Variants in SRF observed in about 807,000 individuals in gnomAD.
The protein encoded by SRF is serum response factor, also known as c-fos serum response element-binding transcription factor.
A neutral mutation model predicts 37.1 loss-of-function variants in SRF; 7 were observed. The ratio of observed to expected loss-of-function variants is 0.19; its 90% confidence interval spans 0.11 to 0.35. The LOEUF (loss-of-function observed/expected upper bound fraction) is 0.35. SRF is among the 10% of genes least tolerant of loss of function. The pLI is 1.00. For synonymous variants in SRF, 285 were observed against 310.1 expected, an observed-to-expected ratio of 0.92 and a Z score of 0.85; for missense variants, 395 against 694.4, an observed-to-expected ratio of 0.57 and a Z score of 4.85.
chr6:43,173,751 G>A lies in SRF; in HGVS notation c.514-96G>A, dbSNP rs187173611. The stretch of plus-strand genomic sequence containing the variant: ...GAGACGAAGGTCATTATGGGAATGG[G>A]GGAATGACATCACTGTATAATTCTT... On this transcript the variant is annotated intron_variant, in intron 1 of 6. Coordinates refer to ENST00000265354, the MANE Select transcript of SRF (RefSeq NM_003131.4). The surrounding 1 kb of genome is among the most constrained non-coding windows in gnomAD (Gnocchi z 4.2). 56 of 1,471,304 alleles carry A rather than the reference G, an allele frequency of 3.8e-5. No homozygotes were observed. In the East Asian group the frequency reaches 5.5e-4, roughly 14 times the overall value. 91.1% of individuals were successfully genotyped at this position (1,471,304 alleles called of 1,614,324 possible). A position where few individuals can be genotyped will look rare whatever the true frequency, so the allele number is the denominator to read the frequency against.
At position 43,172,420 on chromosome 6, in the gene SRF, A is replaced by G. The variant is rs544452108; in HGVS notation, c.513+251A>G. 4.2e-5 allele frequency: 41 copies of G among 985,384 alleles called. No homozygotes were observed. In the South Asian group the frequency reaches 1.2e-3, roughly 29 times the overall value. The allele number at this position is 985,384 out of a possible 1,614,324, so 61.0% of individuals were successfully genotyped here. A position where few individuals can be genotyped will look rare whatever the true frequency, so the allele number is the denominator to read the frequency against. ...CGCAGAGGTGGGAGTGACCGGCGCC[A>G]GAGAGGAAGAGGGCCCTTGCTGAGT... On this transcript the variant is annotated intron_variant, in intron 1 of 6. Coordinates refer to ENST00000265354, the MANE Select transcript of SRF (RefSeq NM_003131.4). This position sits in a 1 kb window ranked among gnomAD's most constrained non-coding sequence, Gnocchi z 5.7.
chr6:43,172,191 C>A lies in SRF; in HGVS notation c.513+22C>A, dbSNP rs368934437. 1,734 of 1,601,528 alleles carry A rather than the reference C, an allele frequency of 1.1e-3. 2 individuals are homozygous for A. The highest frequency in any genetic ancestry group is 1.3e-3 in the Non-Finnish European group (1,588 of 1,177,286). On this transcript the variant is annotated intron_variant, in intron 1 of 6. Coordinates refer to ENST00000265354, the MANE Select transcript of SRF (RefSeq NM_003131.4). The surrounding 1 kb of genome is among the most constrained non-coding windows in gnomAD (Gnocchi z 5.7). ...GAAGGTACCAAGCCGGGGGGCTGGC[C>A]GGCCCCGGGGCCCGGTTGGGGTGGG...
In SRF at chr6:43,176,880, G is replaced by A. The variant is rs4711741; in HGVS notation, c.1162+213G>A. ...GGGCTGCGGATTCCAGAAGAAAATT[G>A]GGGACCATTGACCTACCTCCTCATT... On this transcript the variant is annotated intron_variant, in intron 4 of 6. Coordinates refer to ENST00000265354, the MANE Select transcript of SRF (RefSeq NM_003131.4). The surrounding 1 kb of genome is among the most constrained non-coding windows in gnomAD (Gnocchi z 4.0). Among the ~76,000 whole-genome samples, 35,856 of 151,996 alleles carry A rather than the reference G, an allele frequency of 0.24. 5,712 individuals carry two copies. The highest frequency in any genetic ancestry group is 0.44 in the African/African-American group (18,274 of 41,408).
rs1396814662 is a variant in SRF, at chr6:43,172,758, G to A, written c.513+589G>A. 6.6e-6 allele frequency among the ~76,000 whole-genome samples: 1 copy of A among 152,146 alleles called. No homozygotes were observed. The highest frequency in any genetic ancestry group is 6.5e-5 in the Admixed American group (1 of 15,276). On this transcript the variant is annotated intron_variant, in intron 1 of 6. Coordinates refer to ENST00000265354, the MANE Select transcript of SRF (RefSeq NM_003131.4). The surrounding 1 kb of genome is among the most constrained non-coding windows in gnomAD (Gnocchi z 5.7). ...GCAGGAACCTAGTCCTGCGCCGGCC[G>A]TGAGTCTTCCATGGCATCCACTGGG...
chr6:43,180,024 A>AG lies in SRF; in HGVS notation c.*836dup, dbSNP rs1772280244. 1.3e-5 allele frequency: 2 copies of AG among 151,594 alleles called. No individual in the cohort carries two copies. Among genetic ancestry groups the AG allele is most frequent in the Non-Finnish European group, 2.9e-5 (2 of 67,900 alleles). The allele number at this position is 151,594 out of a possible 1,614,324, so 9.4% of individuals were successfully genotyped here. A position where few individuals can be genotyped will look rare whatever the true frequency, so the allele number is the denominator to read the frequency against. ...AACTCCCCTTCCCTGGGGAGCCCTC[A>AG]GGCTCCCCAGAACTGGCTGGGCCCC... On this transcript the variant is annotated 3_prime_UTR_variant, in exon 7 of 7. Coordinates refer to ENST00000265354, the MANE Select transcript of SRF (RefSeq NM_003131.4).
intron 2 of SRF, 121 bp downstream of exon 2, chr6:43,174,234 C>T (rs1772157075): frequency 7.7e-7 from 1 of 1,296,532 alleles, no homozygotes; most frequent in Non-Finnish European, 1.1e-6. Flanking sequence ...CGACCCTCGT[C>T]CTAGGGGACA....
In SRF at chr6:43,173,547, T is replaced by C. The variant is rs1391557814; in HGVS notation, c.514-300T>C. ...GGGACATTCCAGGCACTAAGCTGTG[T>C]TGGGGAGCAGCTAGCTGGGTCCTTC... On this transcript the variant is annotated intron_variant, in intron 1 of 6. Transcript: ENST00000265354. This position sits in a 1 kb window ranked among gnomAD's most constrained non-coding sequence, Gnocchi z 4.2. Among the ~76,000 whole-genome samples the C allele has an allele frequency of 6.6e-6, 1 of 152,154 alleles. No individual in the cohort carries two copies. The highest frequency in any genetic ancestry group is 1.5e-5 in the Non-Finnish European group (1 of 68,028).
Position 43,176,046 on chromosome 6 carries a change from C to T in SRF, c.1042+79C>T. Reference sequence around the variant, plus strand: ...GCTAAGAGTGTGTTTAGGGCTGGCACCAAGAGAACCTCTTTCCCTGCTCAG... The same window carrying T: ...GCTAAGAGTGTGTTTAGGGCTGGCATCAAGAGAACCTCTTTCCCTGCTCAG... On this transcript the variant is annotated intron_variant, in intron 3 of 6. Transcript: ENST00000265354. This position sits in a 1 kb window ranked among gnomAD's most constrained non-coding sequence, Gnocchi z 4.0. 5 of 1,541,166 alleles carry T rather than the reference C, an allele frequency of 3.2e-6. No individual in the cohort carries two copies. Among genetic ancestry groups the T allele is most frequent in the Non-Finnish European group, 4.4e-6 (5 of 1,142,790 alleles).
chr6:43,179,058 A>G lies in SRF; in HGVS notation c.1432-37A>G. 6.2e-7 allele frequency: 1 copy of G among 1,611,054 alleles called. No individual in the cohort carries two copies. Among genetic ancestry groups the G allele is most frequent in the Non-Finnish European group, 8.5e-7 (1 of 1,177,566 alleles). ...CCAGGGGAGCCTGAACTGGCTGGCC[A>G]GTCCCTGCCCCTCCTCATACATCCC... is the stretch of plus-strand genomic sequence containing the variant. On this transcript the variant is annotated intron_variant, in intron 6 of 6. Transcript: ENST00000265354. This position sits in a 1 kb window ranked among gnomAD's most constrained non-coding sequence, Gnocchi z 5.3.
In SRF at chr6:43,172,389, G is replaced by C. The variant is rs899494574; in HGVS notation, c.513+220G>C. On this transcript the variant is annotated intron_variant, in intron 1 of 6. Coordinates refer to ENST00000265354, the MANE Select transcript of SRF (RefSeq NM_003131.4). This position sits in a 1 kb window ranked among gnomAD's most constrained non-coding sequence, Gnocchi z 5.7. ...TCCCGCGAACGCTCGCAACCGTGGG[G>C]AAAGGCGCAGAGGTGGGAGTGACCG... 2.0e-6 allele frequency: 2 copies of C among 985,284 alleles called. No individual in the cohort carries two copies. The highest frequency in any genetic ancestry group is 2.4e-6 in the Non-Finnish European group (2 of 829,918). 61.0% of individuals were successfully genotyped at this position (985,284 alleles called of 1,614,324 possible). A position where few individuals can be genotyped will look rare whatever the true frequency, so the allele number is the denominator to read the frequency against.
chr6:43,171,829 G>A lies in SRF; in HGVS notation c.173G>A (p.Arg58Gln), dbSNP rs1772107008. ...GAGLGPGRLEREAAAAAATTP... is the reference protein window; with the variant it reads ...GAGLGPGRLEQEAAAAAATTP... ...GGGCTCGGGCCCGGCCGCCTGGAGC[G>A]GGAGGCTGCGGCAGCGGCGGCAACC... The change falls in exon 1 of 7, where the codon CGG becomes CAG. Residue 58 changes from arginine to glutamine, a missense_variant. Physicochemically the swap from Arg to Gln is conservative, Grantham distance 43. This residue lies in a region of SRF where 134 missense variants were observed against 204.5 expected (regional missense o/e 0.66). Coordinates refer to ENST00000265354, the MANE Select transcript of SRF (RefSeq NM_003131.4). The surrounding 1 kb of genome is among the most constrained non-coding windows in gnomAD (Gnocchi z 6.5). The A allele has an allele frequency of 8.0e-7, 1 of 1,253,254 alleles. No individual in the cohort carries two copies. The highest frequency in any genetic ancestry group is 1.0e-6 in the Non-Finnish European group (1 of 1,000,772). 77.6% of individuals were successfully genotyped at this position (1,253,254 alleles called of 1,614,324 possible).
rs1772250184 is a variant in SRF, at chr6:43,178,676, C to A, written c.1355-130C>A. 2 of 1,242,988 alleles carry A rather than the reference C, an allele frequency of 1.6e-6. No homozygotes were observed. Among genetic ancestry groups the A allele is most frequent in the Non-Finnish European group, 1.2e-6 (1 of 857,700 alleles). 77.0% of individuals were successfully genotyped at this position (1,242,988 alleles called of 1,614,324 possible). On this transcript the variant is annotated intron_variant, in intron 5 of 6. Transcript: ENST00000265354. The surrounding 1 kb of genome is among the most constrained non-coding windows in gnomAD (Gnocchi z 4.3). ...TCACACCCGCATGCACCCTCAGACA[C>A]ACTGGCACCCTTTCCCTTGGGCTCT...
intron 4 of SRF, among the ~76,000 whole-genome samples, chr6:43,177,681 C>T (rs1270546143): frequency 2.0e-5 from 3 of 150,480 alleles, no homozygotes; most frequent in East Asian, 2.0e-4. Context: ...TTTGGGAGGC[C>T]GAGGGGGGCA....
chr6:43,178,276 CAT>C lies in SRF; in HGVS notation c.1163-17_1163-16del. The stretch of plus-strand genomic sequence containing the variant: ...AGTGGGGACCAGTGCCGAGCTGACA[CAT>C]GTCTGTGTTTGCCAGTGACGCTGCC... On this transcript the variant is annotated splice_polypyrimidine_tract_variant and intron_variant, in intron 4 of 6. Coordinates refer to ENST00000265354, the MANE Select transcript of SRF (RefSeq NM_003131.4). This position sits in a 1 kb window ranked among gnomAD's most constrained non-coding sequence, Gnocchi z 4.3. The C allele has an allele frequency of 3.2e-6, 5 of 1,583,264 alleles. No individual in the cohort carries two copies. Among genetic ancestry groups the C allele is most frequent in the South Asian group, 1.1e-5 (1 of 88,278 alleles).
In SRF at chr6:43,173,790, A is replaced by C; in HGVS notation, c.514-57A>C. 2 of 1,573,634 alleles carry C rather than the reference A, an allele frequency of 1.3e-6. No individual in the cohort carries two copies. The highest frequency in any genetic ancestry group is 2.2e-5 in the East Asian group (1 of 44,498). ...TGTATAATTCTTTTTCCAACTTCTC[A>C]AGGAAGGTAGAGATAAAAAGTTTGC... is the stretch of plus-strand genomic sequence containing the variant. On this transcript the variant is annotated intron_variant, in intron 1 of 6. Transcript: ENST00000265354. The surrounding 1 kb of genome is among the most constrained non-coding windows in gnomAD (Gnocchi z 4.2).
At position 43,178,552 on chromosome 6, in the gene SRF, C is replaced by CAT; in HGVS notation, c.1354+69_1354+70dup. On this transcript the variant is annotated intron_variant, in intron 5 of 6. Transcript: ENST00000265354. The surrounding 1 kb of genome is among the most constrained non-coding windows in gnomAD (Gnocchi z 4.3). ...TTCTTTATACACACACACACACACA[C>CAT]ATACACACACATATGCACTGATGCC... 1 of 1,435,768 alleles carries CAT rather than the reference C, an allele frequency of 7.0e-7. No individual in the cohort carries two copies. The highest frequency in any genetic ancestry group is 9.6e-7 in the Non-Finnish European group (1 of 1,037,424). The allele number at this position is 1,435,768 out of a possible 1,614,324, so 88.9% of individuals were successfully genotyped here.
Position 43,179,012 on chromosome 6 carries a change from T to C in SRF, c.1432-83T>C. On this transcript the variant is annotated intron_variant, in intron 6 of 6. Coordinates refer to ENST00000265354, the MANE Select transcript of SRF (RefSeq NM_003131.4). The surrounding 1 kb of genome is among the most constrained non-coding windows in gnomAD (Gnocchi z 5.3). Reference sequence around the variant, plus strand: ...GCCCATCTGCTTTTCTGCTCAGGCCTGTGGTTGGCAGGCAGGGAAGCCAGG... The same window carrying C: ...GCCCATCTGCTTTTCTGCTCAGGCCCGTGGTTGGCAGGCAGGGAAGCCAGG... 1 of 1,578,068 alleles carries C rather than the reference T, an allele frequency of 6.3e-7. No homozygotes were observed. The highest frequency in any genetic ancestry group is 8.7e-7 in the Non-Finnish European group (1 of 1,148,224).
In SRF at chr6:43,179,241, T is replaced by C. The variant is rs746492753; in HGVS notation, c.*51T>C. 12 of 1,591,374 alleles carry C rather than the reference T, an allele frequency of 7.5e-6. No homozygotes were observed. Among genetic ancestry groups the C allele is most frequent in the Middle Eastern group, 1.7e-4 (1 of 6,050 alleles). ...CCCAAGGGATGGCACCACTTATTTATTGTTGCCTTTTCACGTTTTCTTTAC... is the reference window on the plus strand; with the variant it reads ...CCCAAGGGATGGCACCACTTATTTACTGTTGCCTTTTCACGTTTTCTTTAC... On this transcript the variant is annotated 3_prime_UTR_variant, in exon 7 of 7. Coordinates refer to ENST00000265354, the MANE Select transcript of SRF (RefSeq NM_003131.4). The surrounding 1 kb of genome is among the most constrained non-coding windows in gnomAD (Gnocchi z 5.3).
chr6:43,180,020 C>T lies in SRF; in HGVS notation c.*830C>T, dbSNP rs1772279945. 6.6e-6 allele frequency: 1 copy of T among 152,114 alleles called. No individual in the cohort carries two copies. The highest frequency in any genetic ancestry group is 1.5e-5 in the Non-Finnish European group (1 of 67,994). The allele number at this position is 152,114 out of a possible 1,614,324, so 9.4% of individuals were successfully genotyped here. A position where few individuals can be genotyped will look rare whatever the true frequency, so the allele number is the denominator to read the frequency against. Reference sequence around the variant, plus strand: ...CCCAAACTCCCCTTCCCTGGGGAGCCCTCAGGCTCCCCAGAACTGGCTGGG... The same window carrying T: ...CCCAAACTCCCCTTCCCTGGGGAGCTCTCAGGCTCCCCAGAACTGGCTGGG... On this transcript the variant is annotated 3_prime_UTR_variant, in exon 7 of 7. Coordinates refer to ENST00000265354, the MANE Select transcript of SRF (RefSeq NM_003131.4).
Sources: allele counts gnomAD v4.1 joint callset (sites outside exome capture counted in the v4.1 genomes callset), GRCh38; gene constraint gnomAD v4.1.1; regional missense constraint gnomAD v4.1.1; non-coding constraint Gnocchi (gnomAD v3.1); transcripts MANE v1.5; gene names NCBI Gene and HGNC (gene_info 2026-07-23, HGNC 2026-07-21).